The following AKNA variants were observed in gnomAD, a reference collection of about 807,000 sequenced individuals.
AKNA encodes the protein microtubule organization protein AKNA.
In AKNA, 67 loss-of-function variants were observed where a neutral mutation model predicts 138.8. The observed-to-expected ratio is 0.48, with a 90% CI of 0.40 to 0.59. The LOEUF (loss-of-function observed/expected upper bound fraction) is 0.59, where lower values mean the gene tolerates loss of function less well. Among genes scored for constraint, AKNA ranks in the 20% least tolerant of loss-of-function variants. AKNA has a pLI of 0.00. For synonymous variants in AKNA, 737 were observed against 754.4 expected (o/e 0.98, Z 0.38); for missense variants, 1,813 against 1,880.4 (o/e 0.96, Z 0.66).
At chr9:114,372,105 A>G (rs115853426) in intron 4 of AKNA, among the ~76,000 whole-genome samples, 1,904 of 152,218 alleles carry the variant, frequency 0.013, 29 homozygotes, top group African/African-American at 0.043. Flanking sequence ...TGGGCAGGAG[A>G]TGATAGTATC....
rs1199284050 is a variant in AKNA, at chr9:114,360,026, AG to A, written c.2160del (p.Cys721AlafsTer5). The part of the protein sequence containing the change: ...ATTTAAASTG[P>X]CPLHVNVEVS... ...ACCTCCACATTTACGTGCAATGGGCAGGGGCCAGTGCTGGCGGCGGCAGTGG... is the reference window on the plus strand; with the variant it reads ...ACCTCCACATTTACGTGCAATGGGCAGGGCCAGTGCTGGCGGCGGCAGTGG... On this transcript the variant is annotated frameshift_variant, in exon 10 of 22. Transcript: ENST00000374088. LOFTEE classifies it high-confidence loss of function. 6.2e-7 allele frequency: 1 copy of A among 1,614,236 alleles called. No individual in the cohort carries two copies. Among genetic ancestry groups the A allele is most frequent in the Non-Finnish European group, 8.5e-7 (1 of 1,180,040 alleles).
At chr9:114,369,244 A>T (rs954214843) in intron 4 of AKNA, among the ~76,000 whole-genome samples, 4 of 152,236 alleles carry the variant, frequency 2.6e-5, no homozygotes, top group Non-Finnish European at 5.9e-5. Context: ...TTGAAGCTGG[A>T]AAGCAGAGGG....
intron 19 of AKNA, 107 bp from the exon 20 acceptor site, chr9:114,342,232 C>T (rs574914163): frequency 1.1e-5 from 8 of 758,870 alleles, no homozygotes; most frequent in South Asian, 9.6e-5. Flanking sequence ...GGACCCACTG[C>T]GGAGGGGACA....
At chr9:114,346,840 A>G in intron 16 of AKNA, 56 bp from the exon 17 acceptor site, 1 of 1,475,638 alleles carries the variant, frequency 6.8e-7, no homozygotes, top group Non-Finnish European at 9.4e-7. Flanking sequence ...TGGCCTTTAA[A>G]GGTTATTTGT....
At chr9:114,391,949 G>A (rs1243296605), upstream of AKNA, among the ~76,000 whole-genome samples, 1 of 149,280 alleles carries the variant, frequency 6.7e-6, no homozygotes, top group Non-Finnish European at 1.5e-5. Context: ...CCTTTTACCA[G>A]CAACAGTCAT....
chr9:114,347,980 G>C (rs1047243118), intron 15 of AKNA, 80 bp from the exon 16 acceptor site: 1 of 1,473,368 alleles, frequency 6.8e-7, no homozygotes, highest in Non-Finnish European at 9.1e-7. Context: ...GCCAGGATGC[G>C]GCAGCCTTTG....
chr9:114,372,600 C>A (rs958549186), intron 4 of AKNA, among the ~76,000 whole-genome samples: 2 of 152,310 alleles, frequency 1.3e-5, no homozygotes. Context: ...CCTCCAGCCC[C>A]CGCCACTCCA....
At chr9:114,369,969 T>C (rs1832651990) in intron 4 of AKNA, among the ~76,000 whole-genome samples, 2 of 152,192 alleles carry the variant, frequency 1.3e-5, no homozygotes, top group African/African-American at 4.8e-5. Flanking sequence ...ACAGCCACCA[T>C]GGAGACAGGC....
chr9:114,388,611 G>A (rs1834207982), upstream of AKNA, among the ~76,000 whole-genome samples: 1 of 152,214 alleles, frequency 6.6e-6, no homozygotes, highest in Non-Finnish European at 1.5e-5. Context: ...CTTGTTGTAA[G>A]AACCCTCCAA....
chr9:114,345,990 G>A lies in AKNA; in HGVS notation c.3534C>T (p.Pro1178=), dbSNP rs749918411. ...TCTTCTCAGAGAACAGTGGTAGGGA[G>A]GGCAGCTCAGATTCTGAACCTGGGG... ...RLSLSSESEL[P]SLPLFSEKSK... is the part of the protein sequence containing the mutation. The change falls in exon 18 of 22, where the codon CCC becomes CCT. Residue 1178 remains proline, a synonymous_variant. Transcript: ENST00000374088. 1 of 1,613,794 alleles carries A rather than the reference G, an allele frequency of 6.2e-7. No homozygotes were observed. Among genetic ancestry groups the A allele is most frequent in the Admixed American group, 1.7e-5 (1 of 59,958 alleles).
At chr9:114,371,021 G>A (rs144474917) in intron 4 of AKNA, among the ~76,000 whole-genome samples, 6 of 152,194 alleles carry the variant, frequency 3.9e-5, no homozygotes, top group Non-Finnish European at 5.9e-5. Flanking sequence ...CAGGGGCTGG[G>A]GGGGAGGTGG....
At chr9:114,372,398 TCCC>T (rs1044188629) in intron 4 of AKNA, among the ~76,000 whole-genome samples, 1 of 151,990 alleles carries the variant, frequency 6.6e-6, no homozygotes, top group African/African-American at 2.4e-5. Flanking sequence ...CCAGCTGTGC[TCCC>T]CCGTGTCCAC....
rs1832550840 is a variant in AKNA at position 114,368,624 on chromosome 9, C to T, written c.1417-29G>A. ...TGGAAGCAGGGAGGCACAGCACAGC[C>T]AAGTCAGGGTAGGGGCAAACCCACC... On this transcript the variant is annotated intron_variant, in intron 4 of 21. Transcript: ENST00000374088. 1.5e-5 allele frequency: 20 copies of T among 1,348,194 alleles called. 1 individual carries two copies. The South Asian group carries it at 3.8e-4, about 26-fold the overall frequency. 83.5% of individuals were successfully genotyped at this position (1,348,194 alleles called of 1,614,324 possible).
At chr9:114,388,178 C>T (rs762155050), upstream of AKNA, 12 of 214,308 alleles carry the variant, frequency 5.6e-5, no homozygotes, top group Non-Finnish European at 1.1e-4. Flanking sequence ...CCGCAGTCAG[C>T]GCTGCCCAGG....
chr9:114,350,874 G>A lies in AKNA; in HGVS notation c.3206C>T (p.Thr1069Ile), dbSNP rs201422989. Reference sequence around the variant, plus strand: ...TCTAACTTACTCTCGCCCTGCCCTGGTGAGCAGGAAGCTGGGGATGGTCTC... The same window carrying A: ...TCTAACTTACTCTCGCCCTGCCCTGATGAGCAGGAAGCTGGGGATGGTCTC... ...PTETIPSFLL[T>I]RAGRDQAICE... Residue 1069 changes from threonine (T) to isoleucine (I), a missense_variant, in exon 15 of 22, where the codon ACC becomes ATC. Thr to Ile is a moderately conservative substitution (Grantham distance 89, BLOSUM62 -1). Coordinates refer to ENST00000374088, the MANE Select transcript of AKNA (RefSeq NM_001317950.2). 6.0e-5 allele frequency: 94 copies of A among 1,579,108 alleles called. No homozygotes were observed. The highest frequency in any genetic ancestry group is 2.5e-4 in the Admixed American group (14 of 55,980).
At chr9:114,373,848 T>C (rs1470587816) in intron 4 of AKNA, among the ~76,000 whole-genome samples, 1 of 132,158 alleles carries the variant, frequency 7.6e-6, no homozygotes, top group Non-Finnish European at 1.5e-5. Flanking sequence ...ACCATGCCAC[T>C]GCACTCCAGC....
chr9:114,369,960 C>G (rs559401516), intron 4 of AKNA, among the ~76,000 whole-genome samples: 1 of 152,318 alleles, frequency 6.6e-6, no homozygotes, highest in South Asian at 2.1e-4. Flanking sequence ...ATTATCTGCA[C>G]AGCCACCATG....
chr9:114,367,809 A>C, intron 5 of AKNA, 112 bp from the exon 6 acceptor site: 1 of 1,219,476 alleles, frequency 8.2e-7, no homozygotes, highest in East Asian at 2.6e-5. Flanking sequence ...TAGCTCAGTC[A>C]CCATGTGCGA....
chr9:114,345,883 G>T lies in AKNA; in HGVS notation c.3641C>A (p.Thr1214Asn), dbSNP rs143982538. 6.2e-7 allele frequency: 1 copy of T among 1,614,028 alleles called. No homozygotes were observed. Among genetic ancestry groups the T allele is most frequent in the Admixed American group, 1.7e-5 (1 of 60,000 alleles). ...CCTACCTGTGTATTGGCCCCGGAAGGTGACCCTGTCTGGCCATCCAGCACT... is the reference window on the plus strand; with the variant it reads ...CCTACCTGTGTATTGGCCCCGGAAGTTGACCCTGTCTGGCCATCCAGCACT... The part of the protein sequence containing the change: ...VGSAGWPDRV[T>N]FRGQYTGHEY... The change falls in exon 18 of 22, where the codon ACC becomes AAC. Residue 1214 changes from threonine (T) to asparagine (N), a missense_variant. By Grantham distance (65) the Thr-to-Asn change is moderately conservative. Transcript: ENST00000374088.
Sources: gnomAD v4.1 joint callset for allele counts (sites outside exome capture counted in the v4.1 genomes callset) on GRCh38, gnomAD v4.1.1 for gene constraint, MANE v1.5 for transcripts, NCBI Gene and HGNC (gene_info 2026-07-23, HGNC 2026-07-21) for gene names.